The following KCNV2 variants were observed in gnomAD, a reference collection of about 807,000 sequenced individuals.
KCNV2 encodes potassium voltage-gated channel subfamily V member 2.
KCNV2 carries 65 observed loss-of-function variants against 37.0 expected under a neutral mutation model. The observed-to-expected ratio is 1.76, with a 90% CI of 1.44 to 2.16. The LOEUF is 2.16. Among genes scored for constraint, KCNV2 ranks in the 30% most tolerant of loss-of-function variants. The pLI, the probability that KCNV2 is intolerant of heterozygous loss-of-function variation, is 0.00. For missense variants in KCNV2, 1,232 were observed against 766.7 expected, an observed-to-expected ratio of 1.61 and a Z score of -7.17; for synonymous variants, 518 against 328.6, an observed-to-expected ratio of 1.58 and a Z score of -6.23.
chr9:2,722,383 A>T lies in KCNV2; in HGVS notation c.1356+3288A>T, dbSNP rs891323720. Among the ~76,000 whole-genome samples the T allele has an allele frequency of 1.0e-4, 14 of 139,476 alleles. No individual in the cohort carries two copies. In the East Asian group the frequency reaches 2.0e-3, roughly 20 times the overall value. The allele number at this position is 139,476 out of a possible 152,430, so 91.5% of individuals were successfully genotyped here. A position where few individuals can be genotyped will look rare whatever the true frequency, so the allele number is the denominator to read the frequency against. ...TATAAATAAATTAGAAGTTATTTAT[A>T]AATAAATTAGAAGTTATTTATAAAT... On this transcript the variant is annotated intron_variant, in intron 1 of 1. Transcript: ENST00000382082.
In KCNV2 at chr9:2,718,786, G is replaced by A. The variant is rs761404248; in HGVS notation, c.1047G>A (p.Gln349=). 7 of 1,610,918 alleles carry A rather than the reference G, an allele frequency of 4.3e-6. No homozygotes were observed. Among genetic ancestry groups the A allele is most frequent in the Non-Finnish European group, 5.9e-6 (7 of 1,179,902 alleles). ...TGGCCATCCTGCCGCTCTACCTTCAGCTGCTGCTCGAGTGCTTCACGGGCG... is the reference window on the plus strand; with the variant it reads ...TGGCCATCCTGCCGCTCTACCTTCAACTGCTGCTCGAGTGCTTCACGGGCG... ...DLVAILPLYL[Q]LLLECFTGEG... Residue 349 remains glutamine (Q), a synonymous_variant, in exon 1 of 2, where the codon CAG becomes CAA. Transcript: ENST00000382082.
In KCNV2 at chr9:2,717,778, C is replaced by T; in HGVS notation, c.39C>T (p.Tyr13=). 1 of 1,614,236 alleles carries T rather than the reference C, an allele frequency of 6.2e-7. No individual in the cohort carries two copies. The highest frequency in any genetic ancestry group is 1.7e-5 in the Admixed American group (1 of 60,034). The change falls in exon 1 of 2, where the codon TAC becomes TAT. Residue 13 remains tyrosine, a synonymous_variant. Transcript: ENST00000382082. ...GTGAGAGGAGACGGTCCTGGAGCTACAGGCCCTGGAACACGACGGAGAATG... is the reference window on the plus strand; with the variant it reads ...GTGAGAGGAGACGGTCCTGGAGCTATAGGCCCTGGAACACGACGGAGAATG... ...KQSERRRSWS[Y]RPWNTTENEG...
At chr9:2,728,889 A>G (rs1025515944) in intron 1 of KCNV2, among the ~76,000 whole-genome samples, 7 of 150,530 alleles carry the variant, frequency 4.7e-5, no homozygotes, top group Admixed American at 1.3e-4. Context: ...AATAAAAAAA[A>G]AAAAAAAGAA....
Position 2,717,809 on chromosome 9 carries a change from A to G in KCNV2, c.70A>G (p.Ser24Gly). 1 of 1,614,250 alleles carries G rather than the reference A, an allele frequency of 6.2e-7. No individual in the cohort carries two copies. Among genetic ancestry groups the G allele is most frequent in the Non-Finnish European group, 8.5e-7 (1 of 1,180,036 alleles). The stretch of plus-strand genomic sequence containing the variant: ...CTGGAACACGACGGAGAATGAGGGC[A>G]GCCAACACCGCAGGAGCATTTGCTC... ...RPWNTTENEG[S>G]QHRRSICSLG... Residue 24 changes from serine to glycine, a missense_variant, in exon 1 of 2, where the codon AGC becomes GGC. By Grantham distance (56) the Ser-to-Gly change is moderately conservative. Transcript: ENST00000382082.
At chr9:2,729,398 C>T (rs780327999) in intron 1 of KCNV2, 48 bp from the exon 2 acceptor site, 2 of 1,607,906 alleles carry the variant, frequency 1.2e-6, no homozygotes, top group Non-Finnish European at 1.7e-6. Flanking sequence ...TTCTTCTCCT[C>T]CCCGATCTTA....
At chr9:2,728,693 C>G (rs750376680) in intron 1 of KCNV2, among the ~76,000 whole-genome samples, 7 of 152,082 alleles carry the variant, frequency 4.6e-5, no homozygotes, top group Admixed American at 6.5e-5. Flanking sequence ...CACATAAAGT[C>G]TCTCATTTGA....
In KCNV2 at chr9:2,719,277, G is replaced by A. The variant is rs191211427; in HGVS notation, c.1356+182G>A. Among the ~76,000 whole-genome samples, 38 of 152,240 alleles carry A rather than the reference G, an allele frequency of 2.5e-4. 1 individual carries two copies. The highest frequency in any genetic ancestry group is 2.2e-3 in the Admixed American group (34 of 15,300). ...TCAAAAGTGGTGGAAAGAGAACTCA[G>A]CAGATCAGTAAGTAAGTGAATTTGA... On this transcript the variant is annotated intron_variant, in intron 1 of 1. Coordinates refer to ENST00000382082, the MANE Select transcript of KCNV2 (RefSeq NM_133497.4).
chr9:2,718,754 G>A lies in KCNV2; in HGVS notation c.1015G>A (p.Asp339Asn), dbSNP rs781116632. Residue 339 changes from aspartate to asparagine, a missense_variant, in exon 1 of 2, where the codon GAC becomes AAC. Transcript: ENST00000382082. ...CGCGCGCAGCGCCCTCAACCTGGTG[G>A]ACCTGGTGGCCATCCTGCCGCTCTA... ...RFARSALNLV[D>N]LVAILPLYLQ... 8 of 1,611,676 alleles carry A rather than the reference G, an allele frequency of 5.0e-6. No homozygotes were observed. In the Admixed American group the frequency reaches 1.0e-4, roughly 20 times the overall value.
At chr9:2,719,280 G>C (rs139375152) in intron 1 of KCNV2, among the ~76,000 whole-genome samples, 185 bp downstream of exon 1, 19 of 152,256 alleles carry the variant, frequency 1.2e-4, no homozygotes, top group African/African-American at 4.3e-4. Flanking sequence ...GAACTCAGCA[G>C]ATCAGTAAGT....
chr9:2,725,662 G>A (rs1201581219), intron 1 of KCNV2, among the ~76,000 whole-genome samples: 3 of 152,192 alleles, frequency 2.0e-5, no homozygotes, highest in Non-Finnish European at 4.4e-5. Flanking sequence ...ATCCAAAAAA[G>A]ATCCATCTTC....
chr9:2,717,694 C>G lies in KCNV2; in HGVS notation c.-46C>G. 1 of 1,613,424 alleles carries G rather than the reference C, an allele frequency of 6.2e-7. No individual in the cohort carries two copies. The highest frequency in any genetic ancestry group is 8.5e-7 in the Non-Finnish European group (1 of 1,179,740). The stretch of plus-strand genomic sequence containing the variant: ...GAGGCAGTGAGCAGGTGAGGGACCC[C>G]TACCACAGCCAGGAGGAAAAAGCTA... On this transcript the variant is annotated 5_prime_UTR_variant, in exon 1 of 2. Transcript: ENST00000382082.
rs915824748 is a variant in KCNV2, at chr9:2,729,825, C to G, written c.*98C>G. The G allele has an allele frequency of 2.3e-6, 3 of 1,305,964 alleles. No homozygotes were observed. The African/African-American group carries it at 4.4e-5, about 19-fold the overall frequency. 80.9% of individuals were successfully genotyped at this position (1,305,964 alleles called of 1,614,324 possible). On this transcript the variant is annotated 3_prime_UTR_variant, in exon 2 of 2. Transcript: ENST00000382082. ...ATTGGCAGCAAAAGGAAATGTGAAGCAGACATACACAAAGGCCATTTCGTT... is the reference window on the plus strand; with the variant it reads ...ATTGGCAGCAAAAGGAAATGTGAAGGAGACATACACAAAGGCCATTTCGTT...
chr9:2,728,425 C>A (rs1820003202), intron 1 of KCNV2, among the ~76,000 whole-genome samples: 2 of 152,160 alleles, frequency 1.3e-5, no homozygotes, highest in Non-Finnish European at 2.9e-5. Context: ...GTACATGAGG[C>A]ATAAAAAACA....
intron 1 of KCNV2, among the ~76,000 whole-genome samples, chr9:2,720,794 C>G (rs923291066): frequency 2.3e-4 from 35 of 152,168 alleles, no homozygotes; most frequent in African/African-American, 8.0e-4. Flanking sequence ...TGTATATTAA[C>G]AAATACTTTG....
At position 2,729,561 on chromosome 9, in the gene KCNV2, T is replaced by C; in HGVS notation, c.1472T>C (p.Ile491Thr). 1 of 1,614,088 alleles carries C rather than the reference T, an allele frequency of 6.2e-7. No individual in the cohort carries two copies. Among genetic ancestry groups the C allele is most frequent in the Non-Finnish European group, 8.5e-7 (1 of 1,179,990 alleles). ...ATTCTCAACGGGATGCCCATTTCCATCCTCTACAACAAGTTTTCTGATTAC... is the reference window on the plus strand; with the variant it reads ...ATTCTCAACGGGATGCCCATTTCCACCCTCTACAACAAGTTTTCTGATTAC... ...GIILNGMPIS[I>T]LYNKFSDYYS... The change falls in exon 2 of 2, where the codon ATC (isoleucine) becomes ACC (threonine). Residue 491 changes from isoleucine (I) to threonine (T), a missense_variant. Physicochemically the swap from Ile to Thr is moderately conservative, Grantham distance 89 (BLOSUM62 -1). Transcript: ENST00000382082.
Position 2,719,004 on chromosome 9 carries a change from T to C in KCNV2, c.1265T>C (p.Ile422Thr), listed in dbSNP as rs769184629. The change falls in exon 1 of 2, where the codon ATC (isoleucine) becomes ACC (threonine). Residue 422 changes from isoleucine (I) to threonine (T), a missense_variant. Physicochemically the swap from Ile to Thr is moderately conservative, Grantham distance 89. Transcript: ENST00000382082. ...GCLLLFIAMG[I>T]FTFSAAVYSV... ...CTGCTGCTCTTCATCGCCATGGGCATCTTCACTTTCTCTGCGGCTGTCTAC... is the reference window on the plus strand; with the variant it reads ...CTGCTGCTCTTCATCGCCATGGGCACCTTCACTTTCTCTGCGGCTGTCTAC... The C allele has an allele frequency of 4.0e-5, 64 of 1,612,634 alleles. 1 individual carries two copies. The highest frequency in any genetic ancestry group is 2.8e-4 in the Admixed American group (17 of 60,008).
chr9:2,721,766 A>C (rs1563797462), intron 1 of KCNV2, among the ~76,000 whole-genome samples: 1 of 152,136 alleles, frequency 6.6e-6, no homozygotes, highest in Non-Finnish European at 1.5e-5. Flanking sequence ...GGATAACAAG[A>C]TTGAGAGTGA....
rs1401073803 is a variant in KCNV2 at position 2,717,978 on chromosome 9, A to G, written c.239A>G (p.Glu80Gly). The G allele has an allele frequency of 1.2e-6, 2 of 1,613,962 alleles. No homozygotes were observed. Among genetic ancestry groups the G allele is most frequent in the Non-Finnish European group, 1.7e-6 (2 of 1,180,016 alleles). ...GCAGAAGAGGACCAGCAGGCAGGGG[A>G]GGTCACCACCGCCAAGCCCGAGGGC... is the stretch of plus-strand genomic sequence containing the variant. Reference protein sequence around the residue: ...DLAEEDQQAGEVTTAKPEGPS... With the variant: ...DLAEEDQQAGGVTTAKPEGPS... Residue 80 changes from glutamate to glycine, a missense_variant, in exon 1 of 2, where the codon GAG (glutamate) becomes GGG (glycine). Glu to Gly is a moderately conservative substitution (Grantham distance 98). Coordinates refer to ENST00000382082, the MANE Select transcript of KCNV2 (RefSeq NM_133497.4).
In KCNV2 at chr9:2,717,823, GAGC is replaced by G; in HGVS notation, c.86_88del (p.Ser29del). On this transcript the variant is annotated inframe_deletion, in exon 1 of 2. Transcript: ENST00000382082. ...AGAATGAGGGCAGCCAACACCGCAGGAGCATTTGCTCCCTGGGTGCCCGTTCCG... is the reference window on the plus strand; with the variant it reads ...AGAATGAGGGCAGCCAACACCGCAGGATTTGCTCCCTGGGTGCCCGTTCCG... 1.2e-6 allele frequency: 2 copies of G among 1,614,250 alleles called. No homozygotes were observed. Among genetic ancestry groups the G allele is most frequent in the South Asian group, 2.2e-5 (2 of 91,084 alleles).
Sources: gnomAD v4.1 joint callset for allele counts (sites outside exome capture counted in the v4.1 genomes callset) on GRCh38, gnomAD v4.1.1 for gene constraint, MANE v1.5 for transcripts, NCBI Gene and HGNC (gene_info 2026-07-23, HGNC 2026-07-21) for gene names.